The following STK3 variants were observed in gnomAD, a reference collection of about 807,000 sequenced individuals.
STK3 encodes the protein serine/threonine kinase 3, also known as serine/threonine-protein kinase 3.
A neutral mutation model predicts 58.0 loss-of-function variants in STK3; 41 were observed. The observed-to-expected ratio is 0.71, with a 90% confidence interval of 0.55 to 0.92. The LOEUF (loss-of-function observed/expected upper bound fraction) is 0.92. Ranked by LOEUF, STK3 falls within the 40% of genes least tolerant of loss-of-function variation. The pLI, the probability that STK3 is intolerant of heterozygous loss-of-function variation, is 0.00. For synonymous variants in STK3, 170 were observed against 191.0 expected, an observed-to-expected ratio of 0.89 and a Z score of 0.91; for missense variants, 479 against 602.7, an observed-to-expected ratio of 0.79 and a Z score of 2.15.
chr8:98,344,814 A>C, the STK3 span, among the ~76,000 whole-genome samples: 4 of 141,536 alleles, frequency 2.8e-5, no homozygotes, highest in Non-Finnish European at 4.6e-5. Context: ...AATGGCGTGA[A>C]CCCGGGAGGC....
At chr8:98,776,081 A>G (rs1831657007) in intron 1 of STK3, among the ~76,000 whole-genome samples, 1 of 152,262 alleles carries the variant, frequency 6.6e-6, no homozygotes, top group Admixed American at 6.5e-5. Context: ...CTGACACCAG[A>G]ACAAGTCTAT....
chr8:98,643,751 G>A (rs1037157808), intron 6 of STK3, among the ~76,000 whole-genome samples: 1 of 152,130 alleles, frequency 6.6e-6, no homozygotes, highest in Admixed American at 6.5e-5. Context: ...TGGCTCATGT[G>A]TATAATCTCA....
At chr8:98,857,755 C>T (rs1836734581) in intron 3 of STK3, among the ~76,000 whole-genome samples, 2 of 152,048 alleles carry the variant, frequency 1.3e-5, no homozygotes, top group Non-Finnish European at 2.9e-5. Flanking sequence ...AGACCAACTA[C>T]TGGCTATAAG....
chr8:98,547,735 C>T (rs756856917), intron 9 of STK3, among the ~76,000 whole-genome samples: 1 of 152,166 alleles, frequency 6.6e-6, no homozygotes, highest in East Asian at 1.9e-4. Flanking sequence ...GGGTTAGCAA[C>T]CTTCAACAGA....
In STK3 at chr8:98,423,347, GC is replaced by G. The variant is rs566826443; in HGVS notation, n.483+10779del. Among the ~76,000 whole-genome samples the G allele has an allele frequency of 7.6e-4, 116 of 152,364 alleles. 2 individuals are homozygous for G. The highest frequency in any genetic ancestry group is 2.7e-3 in the South Asian group (13 of 4,826). ...AGGGGCCTGCCCCGTGAACCGCCAT[GC>G]CAAGCAGGGAGTGTGGTAGTGCAGA... On this transcript the variant is annotated intron_variant and non_coding_transcript_variant, in intron 3 of 3. Coordinates refer to the STK3 transcript ENST00000517832.
chr8:98,505,783 G>A (rs181621631), intron 10 of STK3, among the ~76,000 whole-genome samples: 36 of 152,270 alleles, frequency 2.4e-4, no homozygotes, highest in African/African-American at 6.7e-4. Flanking sequence ...TCCCAGAGGG[G>A]CATCTGGCTG....
chr8:98,466,124 A>G (rs1176322736), intron 10 of STK3, among the ~76,000 whole-genome samples: 1 of 152,214 alleles, frequency 6.6e-6, no homozygotes, highest in African/African-American at 2.4e-5. Flanking sequence ...AATAGTTTAA[A>G]ACACCAATGA....
rs1386682197 is a variant in STK3, at chr8:98,455,945, A to T, written c.1373T>A (p.Met458Lys). 6.2e-7 allele frequency: 1 copy of T among 1,613,182 alleles called. No individual in the cohort carries two copies. The highest frequency in any genetic ancestry group is 8.5e-7 in the Non-Finnish European group (1 of 1,179,616). Reference protein sequence around the residue: ...LQMRLKALDPMMEREIEELRQ... With the variant: ...LQMRLKALDPKMEREIEELRQ... ...AAGTTCTTCTATCTCCCGTTCCATC[A>T]TGGGGTCCAGTGCTTTTAACCGCAT... is the stretch of plus-strand genomic sequence containing the variant. The change falls in exon 11 of 11, where the codon ATG (methionine) becomes AAG (lysine). Residue 458 changes from methionine to lysine, a missense_variant. This residue lies in a region of STK3 where 309 missense variants were observed against 355.7 expected (regional missense o/e 0.87). Transcript: ENST00000419617.
intron 3 of STK3, among the ~76,000 whole-genome samples, chr8:98,852,147 T>G (rs1379873645): frequency 6.6e-6 from 1 of 152,116 alleles, no homozygotes; most frequent in Non-Finnish European, 1.5e-5. Flanking sequence ...TTTTCTTTTT[T>G]TTTTTTTGTA....
At chr8:98,359,533 A>AAAAAAAG in the STK3 span, among the ~76,000 whole-genome samples, 994 of 142,350 alleles carry the variant, frequency 7.0e-3, 25 homozygotes, top group African/African-American at 0.025. Flanking sequence ...AAAAAAAAAA[A>AAAAAAAG]AAAGAAAGAA....
intron 10 of STK3, among the ~76,000 whole-genome samples, chr8:98,502,023 C>A (rs1823644653): frequency 6.6e-6 from 1 of 152,302 alleles, no homozygotes; most frequent in Admixed American, 6.5e-5. Context: ...AATATTGATG[C>A]CTCCTATCCA....
intron 1 of STK3, among the ~76,000 whole-genome samples, chr8:98,923,109 T>A (rs1470030726): frequency 6.6e-6 from 1 of 152,208 alleles, no homozygotes; most frequent in Non-Finnish European, 1.5e-5. Flanking sequence ...ATGTGGAGCC[T>A]TGATCAAATG....
At chr8:98,903,537 TCTTCTTCTTCTTCTTCTTC>T (rs1349493743) in intron 1 of STK3, among the ~76,000 whole-genome samples, 4,169 of 36,830 alleles carry the variant, frequency 0.11, 183 homozygotes, top group African/African-American at 0.17. Flanking sequence ...TTCTTCTTCT[TCTTCTTCTTCTTCTTCTTC>T]CTTTTTTTTT....
chr8:98,694,909 C>G (rs1824739479), intron 6 of STK3, among the ~76,000 whole-genome samples: 3 of 152,174 alleles, frequency 2.0e-5, no homozygotes, highest in Non-Finnish European at 2.9e-5. Flanking sequence ...AGTCCTAGAT[C>G]CCTGAAGAAT....
chr8:98,916,478 A>G (rs1364045157), intron 1 of STK3, among the ~76,000 whole-genome samples: 1 of 152,194 alleles, frequency 6.6e-6, no homozygotes, highest in Non-Finnish European at 1.5e-5. Context: ...AGTGCTGGAC[A>G]TGCAGTGAAG....
At chr8:98,370,910 C>T (rs968032678), downstream of STK3, among the ~76,000 whole-genome samples, 1 of 152,136 alleles carries the variant, frequency 6.6e-6, no homozygotes, top group Non-Finnish European at 1.5e-5. Context: ...GATGCTAGGA[C>T]CATACAAAAT....
chr8:98,592,303 C>T (rs1053371712), intron 7 of STK3, among the ~76,000 whole-genome samples: 2 of 152,136 alleles, frequency 1.3e-5, no homozygotes, highest in Non-Finnish European at 2.9e-5. Context: ...TTCTAAAATA[C>T]ATCTCCCATT....
At chr8:98,520,316 T>C (rs1825255691) in intron 10 of STK3, among the ~76,000 whole-genome samples, 1 of 152,166 alleles carries the variant, frequency 6.6e-6, no homozygotes, top group Non-Finnish European at 1.5e-5. Context: ...CATCATAAAT[T>C]CTTTTATCAT....
At chr8:98,413,754 A>C in intron 3 of STK3, 1 of 706,336 alleles carries the variant, frequency 1.4e-6, no homozygotes, top group Non-Finnish European at 2.6e-6. Context: ...GTCATGCCTG[A>C]CCCCATGAGA....
Sources: gnomAD v4.1 joint callset for allele counts (sites outside exome capture counted in the v4.1 genomes callset) on GRCh38, gnomAD v4.1.1 for gene constraint, gnomAD v4.1.1 regional missense constraint, MANE v1.5 for transcripts, NCBI Gene and HGNC (gene_info 2026-07-23, HGNC 2026-07-21) for gene names.